KIAA1217: variants seen among roughly 807,000 people sequenced by gnomAD.
KIAA1217 encodes KIAA1217, also known as sickle tail protein homolog.
In KIAA1217, 88 loss-of-function variants were observed where a neutral mutation model predicts 163.9. The observed-to-expected ratio is 0.54, with a 90% CI of 0.45 to 0.64. The LOEUF is 0.64. KIAA1217 is among the 30% of genes least tolerant of loss of function. KIAA1217 has a pLI of 0.00. For missense variants in KIAA1217, 2,372 were observed against 2,475.0 expected, an observed-to-expected ratio of 0.96 and a Z score of 0.88; for synonymous variants, 903 against 923.1, an observed-to-expected ratio of 0.98 and a Z score of 0.39.
chr10:23,901,718 G>A (rs1320412459), intron 1 of KIAA1217, among the ~76,000 whole-genome samples: 1 of 151,908 alleles, frequency 6.6e-6, no homozygotes, highest in Non-Finnish European at 1.5e-5. Flanking sequence ...AGACCAGTGG[G>A]CCAAAATGGT....
chr10:24,253,149 G>T (rs2074749816), intron 2 of KIAA1217, among the ~76,000 whole-genome samples: 1 of 152,220 alleles, frequency 6.6e-6, no homozygotes, highest in South Asian at 2.1e-4. Flanking sequence ...AAGGACCCAG[G>T]TGCCCTGGGA....
At chr10:24,179,048 C>T (rs943565796) in intron 2 of KIAA1217, among the ~76,000 whole-genome samples, 8 of 152,142 alleles carry the variant, frequency 5.3e-5, no homozygotes, top group South Asian at 2.1e-4. Flanking sequence ...ATTAAACTGA[C>T]GAAGGATAAT....
chr10:24,427,634 G>T (rs540706449), intron 3 of KIAA1217, among the ~76,000 whole-genome samples: 158 of 152,210 alleles, frequency 1.0e-3, no homozygotes, highest in East Asian at 9.7e-4. Flanking sequence ...CTGACATATG[G>T]CAGGCATCCT....
At chr10:23,754,213 A>ATTTGTT (rs1833801698) in intron 1 of KIAA1217, among the ~76,000 whole-genome samples, 1 of 152,250 alleles carries the variant, frequency 6.6e-6, no homozygotes, top group South Asian at 2.1e-4. Context: ...AAATGTATGA[A>ATTTGTT]TAACACGGGG....
At chr10:24,047,097 G>A (rs988742610) in intron 2 of KIAA1217, among the ~76,000 whole-genome samples, 1 of 152,176 alleles carries the variant, frequency 6.6e-6, no homozygotes, top group Admixed American at 6.5e-5. Flanking sequence ...GTTAATAAAT[G>A]CATCACAAAA....
intron 2 of KIAA1217, among the ~76,000 whole-genome samples, chr10:24,109,895 T>C (rs138411014): frequency 1.3e-5 from 2 of 152,242 alleles, no homozygotes; most frequent in South Asian, 2.1e-4. Context: ...AGACAACGTC[T>C]CGCTCTGTTG....
At chr10:24,012,802 T>C (rs1019938672) in intron 2 of KIAA1217, among the ~76,000 whole-genome samples, 1 of 152,144 alleles carries the variant, frequency 6.6e-6, no homozygotes, top group Non-Finnish European at 1.5e-5. Context: ...ATGTAAACTT[T>C]GGTTGGATTA....
chr10:23,985,266 G>T (rs567595000), intron 1 of KIAA1217, among the ~76,000 whole-genome samples: 1 of 152,078 alleles, frequency 6.6e-6, no homozygotes, highest in Non-Finnish European at 1.5e-5. Context: ...CTACATCTTT[G>T]ATTTAATAAG....
intron 1 of KIAA1217, among the ~76,000 whole-genome samples, chr10:23,943,797 A>G (rs1323994391): frequency 6.6e-6 from 1 of 152,234 alleles, no homozygotes. Flanking sequence ...ATAAAAGGTC[A>G]ATTGATTTTT....
intron 1 of KIAA1217, among the ~76,000 whole-genome samples, chr10:23,983,673 T>A (rs921161727): frequency 1.3e-5 from 2 of 152,152 alleles, no homozygotes; most frequent in Non-Finnish European, 2.9e-5. Context: ...TCAGCGAGAT[T>A]TGGGCAGGGA....
At chr10:23,871,267 C>G (rs1840443673) in intron 1 of KIAA1217, among the ~76,000 whole-genome samples, 1 of 152,072 alleles carries the variant, frequency 6.6e-6, no homozygotes, top group South Asian at 2.1e-4. Context: ...ATTTGTTCTA[C>G]AGCTTGGGAT....
rs7895267 is a variant in KIAA1217, at chr10:23,965,455, C to T, written c.-320-41770C>T. Reference sequence around the variant, plus strand: ...GATAGAGAGGCTTGTACTTTGGATGCCTTTTTGTTTCCAGCTAGTTTCCAC... The same window carrying T: ...GATAGAGAGGCTTGTACTTTGGATGTCTTTTTGTTTCCAGCTAGTTTCCAC... On this transcript the variant is annotated intron_variant, in intron 1 of 18. Coordinates refer to the KIAA1217 transcript ENST00000376462. 5.2e-3 allele frequency among the ~76,000 whole-genome samples: 797 copies of T among 152,316 alleles called. 5 individuals carry two copies. The highest frequency in any genetic ancestry group is 0.018 in the African/African-American group (763 of 41,570).
At chr10:24,387,299 A>G (rs1295864926) in intron 3 of KIAA1217, among the ~76,000 whole-genome samples, 1 of 152,226 alleles carries the variant, frequency 6.6e-6, no homozygotes, top group Non-Finnish European at 1.5e-5. Context: ...ACCAAAGACA[A>G]AAACCACATG....
chr10:24,439,949 C>A (rs2060353782), intron 5 of KIAA1217, among the ~76,000 whole-genome samples: 1 of 152,144 alleles, frequency 6.6e-6, no homozygotes, highest in Non-Finnish European at 1.5e-5. Flanking sequence ...TTTCAGGGAC[C>A]AGCATTCTGC....
At chr10:24,263,639 A>G (rs1403137227) in intron 2 of KIAA1217, among the ~76,000 whole-genome samples, 1 of 152,064 alleles carries the variant, frequency 6.6e-6, no homozygotes, top group African/African-American at 2.4e-5. Flanking sequence ...ACCACTAAGC[A>G]TTTTGCTTTT....
chr10:23,987,605 G>T (rs1217574623), intron 1 of KIAA1217, among the ~76,000 whole-genome samples: 1 of 101,258 alleles, frequency 9.9e-6, no homozygotes. Context: ...ATTCTTATTT[G>T]TGTGTGTGTG....
At chr10:24,190,903 A>G (rs945238807) in intron 2 of KIAA1217, among the ~76,000 whole-genome samples, 1 of 149,130 alleles carries the variant, frequency 6.7e-6, no homozygotes, top group African/African-American at 2.5e-5. Flanking sequence ...TTAAAAAAAA[A>G]TGATCAGAGG....
chr10:24,507,309 A>C (rs2068499309), intron 9 of KIAA1217, among the ~76,000 whole-genome samples: 1 of 152,230 alleles, frequency 6.6e-6, no homozygotes, highest in Admixed American at 6.5e-5. Context: ...TGATGCTGAC[A>C]AATGTGACCT....
intron 1 of KIAA1217, among the ~76,000 whole-genome samples, chr10:23,946,840 A>G (rs1258821419): frequency 6.6e-6 from 1 of 152,120 alleles, no homozygotes; most frequent in East Asian, 1.9e-4. Flanking sequence ...ACTATATGAC[A>G]TGGTTTTGCT....
Sources: gnomAD v4.1 joint callset for allele counts (sites outside exome capture counted in the v4.1 genomes callset) on GRCh38, gnomAD v4.1.1 for gene constraint, MANE v1.5 for transcripts, NCBI Gene and HGNC (gene_info 2026-07-23, HGNC 2026-07-21) for gene names.